Variants in STXBP5 observed in about 807,000 individuals in gnomAD.
The protein encoded by STXBP5 is syntaxin binding protein 5.
A neutral mutation model predicts 152.4 loss-of-function variants in STXBP5; 50 were observed. That is an observed-to-expected ratio of 0.33 (90% CI 0.26 to 0.42). STXBP5 has a LOEUF of 0.42. Ranked by LOEUF, STXBP5 falls within the 10% of genes least tolerant of loss-of-function variation. STXBP5 has a pLI of 1.00. For synonymous variants in STXBP5, 492 were observed against 494.7 expected, an observed-to-expected ratio of 0.99 and a Z score of 0.07; for missense variants, 1,167 against 1,388.6, an observed-to-expected ratio of 0.84 and a Z score of 2.54.
intron 9 of STXBP5, among the ~76,000 whole-genome samples, chr6:147,306,188 A>G (rs1782082490): frequency 6.6e-6 from 1 of 152,212 alleles, no homozygotes; most frequent in Admixed American, 6.5e-5. Flanking sequence ...GGCAGTGATC[A>G]GCTCAGCTGT....
At chr6:147,235,529 A>G (rs1778227958) in intron 3 of STXBP5, among the ~76,000 whole-genome samples, 198 bp downstream of exon 3, 1 of 152,142 alleles carries the variant, frequency 6.6e-6, no homozygotes, top group Non-Finnish European at 1.5e-5. Context: ...TTTTCTCAAG[A>G]CAGTGTTGTA....
At chr6:147,357,650 A>T (rs529865171) in intron 22 of STXBP5, among the ~76,000 whole-genome samples, 1 of 152,216 alleles carries the variant, frequency 6.6e-6, no homozygotes, top group South Asian at 2.1e-4. Context: ...ACTTAGGATA[A>T]TGGAAGTAGA....
Position 147,227,794 on chromosome 6 carries a change from G to A in STXBP5, c.249-7456G>A, listed in dbSNP as rs923135579. ...AAAGTTGAAAATGGGTGAACAGTAC[G>A]TATTATACCTTTTTTTCTTTTCCTG... On this transcript the variant is annotated intron_variant, in intron 2 of 27. Transcript: ENST00000321680. Among the ~76,000 whole-genome samples the A allele has an allele frequency of 7.2e-5, 11 of 152,182 alleles. No homozygotes were observed. The East Asian group carries it at 1.4e-3, about 19-fold the overall frequency.
chr6:147,237,629 A>T (rs896435762), intron 3 of STXBP5, among the ~76,000 whole-genome samples: 2 of 152,188 alleles, frequency 1.3e-5, no homozygotes, highest in Non-Finnish European at 2.9e-5. Flanking sequence ...AAATGGAGAG[A>T]GTGTGGACTT....
chr6:147,350,858 G>A (rs4896905), intron 21 of STXBP5, among the ~76,000 whole-genome samples: 101,172 of 151,964 alleles, frequency 0.67, 34,452 homozygotes, highest in African/African-American at 0.82. Flanking sequence ...AATCCTCTCA[G>A]CTATCTATCC....
chr6:147,362,926 C>T (rs1456865756), intron 23 of STXBP5, among the ~76,000 whole-genome samples: 2 of 152,228 alleles, frequency 1.3e-5, no homozygotes, highest in Non-Finnish European at 2.9e-5. Flanking sequence ...GTTCCCAGTG[C>T]TCTGCAGCCA....
At chr6:147,294,777 C>G (rs1312554546) in intron 9 of STXBP5, among the ~76,000 whole-genome samples, 6 of 152,002 alleles carry the variant, frequency 3.9e-5, no homozygotes, top group Admixed American at 6.5e-5. Flanking sequence ...AACTTATAAA[C>G]TAGAATAGGA....
rs758441742 is a variant in STXBP5 at position 147,262,344 on chromosome 6, C to T, written c.621C>T (p.Asp207=). The stretch of plus-strand genomic sequence containing the variant: ...TCCATATAAGTGATAATCCAATGGA[C>T]GAGGGAAAGGTAGAATTTTTTGTAA... ...PVVHISDNPM[D]EGKLLIGFES... is the part of the protein sequence containing the mutation. The change falls in exon 6 of 28, where the codon GAC becomes GAT. Residue 207 remains aspartate (D), a synonymous_variant. Transcript: ENST00000321680. 67 of 1,551,078 alleles carry T rather than the reference C, an allele frequency of 4.3e-5. No individual in the cohort carries two copies. The highest frequency in any genetic ancestry group is 1.9e-4 in the Middle Eastern group (1 of 5,398).
chr6:147,252,666 A>G (rs1169420983), intron 4 of STXBP5, among the ~76,000 whole-genome samples: 1 of 152,204 alleles, frequency 6.6e-6, no homozygotes, highest in East Asian at 1.9e-4. Flanking sequence ...GATATTAGCC[A>G]GAAGAACTTC....
In STXBP5 at chr6:147,383,146, A is replaced by AGG. The variant is rs1583021619; in HGVS notation, c.3414+150_3414+151dup. On this transcript the variant is annotated intron_variant, in intron 27 of 27. Coordinates refer to ENST00000321680, the MANE Select transcript of STXBP5 (RefSeq NM_001127715.4). ...GCAAGTTCCTGATTTTTGCCACCAG[A>AGG]GGGAACCATTACAGGAATGTATCTC... 5 of 881,386 alleles carry AGG rather than the reference A, an allele frequency of 5.7e-6. No homozygotes were observed. In the East Asian group the frequency reaches 1.3e-4, roughly 23 times the overall value. 54.6% of individuals were successfully genotyped at this position (881,386 alleles called of 1,614,324 possible). A position where few individuals can be genotyped will look rare whatever the true frequency, so the allele number is the denominator to read the frequency against.
intron 8 of STXBP5, among the ~76,000 whole-genome samples, chr6:147,287,194 ATTTTTTTT>A (rs11370591): frequency 4.0e-5 from 3 of 75,256 alleles, no homozygotes; most frequent in Admixed American, 4.1e-4. Context: ...TTAATTGTAC[ATTTTTTTT>A]TTTTTTTTTT....
chr6:147,251,226 T>C (rs116585844), intron 4 of STXBP5, among the ~76,000 whole-genome samples: 185 of 152,222 alleles, frequency 1.2e-3, no homozygotes, highest in African/African-American at 4.3e-3. Context: ...CCATGAGGTA[T>C]GGTGCCACGA....
chr6:147,364,229 A>G, intron 25 of STXBP5, 63 bp downstream of exon 25: 1 of 1,425,376 alleles, frequency 7.0e-7, no homozygotes. Flanking sequence ...GGGCCCGTAT[A>G]CTGTCTGCCC....
At chr6:147,372,798 A>G (rs1259943676) in intron 25 of STXBP5, among the ~76,000 whole-genome samples, 2 of 151,914 alleles carry the variant, frequency 1.3e-5, no homozygotes, top group Non-Finnish European at 2.9e-5. Flanking sequence ...AACCAGTAAC[A>G]TGTCAGCAGT....
intron 2 of STXBP5, among the ~76,000 whole-genome samples, chr6:147,214,961 A>G (rs1433199747): frequency 6.6e-6 from 1 of 152,178 alleles, no homozygotes; most frequent in African/African-American, 2.4e-5. Context: ...CATAGGGTGG[A>G]TGAGTATGTG....
At chr6:147,234,318 T>C (rs1000989799) in intron 2 of STXBP5, among the ~76,000 whole-genome samples, 4 of 151,944 alleles carry the variant, frequency 2.6e-5, no homozygotes, top group Admixed American at 6.6e-5. Flanking sequence ...GAAGGTAAAA[T>C]GCATATAACA....
intron 4 of STXBP5, among the ~76,000 whole-genome samples, chr6:147,245,155 A>T (rs1778750723): frequency 6.6e-6 from 1 of 151,612 alleles, no homozygotes; most frequent in Non-Finnish European, 1.5e-5. Flanking sequence ...AGCCCGGCTA[A>T]TTTTTCTTTG....
intron 8 of STXBP5, among the ~76,000 whole-genome samples, chr6:147,279,106 A>G (rs73584536): frequency 1.3e-5 from 2 of 152,244 alleles, no homozygotes; most frequent in Non-Finnish European, 2.9e-5. Flanking sequence ...ACATCAGCCA[A>G]GGGCCAACCT....
intron 16 of STXBP5, among the ~76,000 whole-genome samples, chr6:147,318,960 A>T (rs532395135): frequency 6.6e-6 from 1 of 152,134 alleles, no homozygotes; most frequent in South Asian, 2.1e-4. Flanking sequence ...TTCTAGAGGG[A>T]GCTTCTTTTA....
Sources: allele counts gnomAD v4.1 joint callset (sites outside exome capture counted in the v4.1 genomes callset), GRCh38; gene constraint gnomAD v4.1.1; transcripts MANE v1.5; gene names NCBI Gene and HGNC (gene_info 2026-07-23, HGNC 2026-07-21).